MKKS: variants seen among roughly 807,000 people sequenced by gnomAD.
The protein encoded by MKKS is molecular chaperone MKKS.
A neutral mutation model predicts 33.2 loss-of-function variants in MKKS; 29 were observed. The observed-to-expected ratio is 0.87, with a 90% CI of 0.65 to 1.19. The LOEUF (loss-of-function observed/expected upper bound fraction) is 1.19. Ranked by LOEUF, MKKS falls within the 50% of genes most tolerant of loss-of-function variation. The pLI is 0.00. For synonymous variants in MKKS, 260 were observed against 244.0 expected (o/e 1.07, Z -0.61); for missense variants, 661 against 662.3 (o/e 1.00, Z 0.02).
chr20:10,411,033 C>CTGGA (rs556158763), intron 3 of MKKS, among the ~76,000 whole-genome samples: 1 of 150,968 alleles, frequency 6.6e-6, no homozygotes, highest in Non-Finnish European at 1.5e-5. Context: ...TGTCACCAGG[C>CTGGA]TGGAGTGCAG....
chr20:10,414,334 T>A (rs985657081), intron 2 of MKKS, among the ~76,000 whole-genome samples: 2 of 150,684 alleles, frequency 1.3e-5, no homozygotes, highest in African/African-American at 4.9e-5. Flanking sequence ...GGCGTGATCT[T>A]GGCTCACCAC....
In MKKS at chr20:10,408,676, G is replaced by A. The variant is rs2064859663; in HGVS notation, c.1113C>T (p.Cys371=). 6 of 1,613,908 alleles carry A rather than the reference G, an allele frequency of 3.7e-6. No homozygotes were observed. Among genetic ancestry groups the A allele is most frequent in the Non-Finnish European group, 4.2e-6 (5 of 1,179,994 alleles). Residue 371 remains cysteine, a synonymous_variant, in exon 4 of 6, where the codon TGC becomes TGT. Coordinates refer to ENST00000347364, the MANE Select transcript of MKKS (RefSeq NM_170784.3). ...FHLIPNEATI[C]SLLLCNRNDT... is the part of the protein sequence containing the mutation. ...CATTTCTGTTGCAGAGAAGCAAGCT[G>A]CAGATTGTTGCTTCATTAGGAATAA...
intron 2 of MKKS, among the ~76,000 whole-genome samples, chr20:10,417,829 C>G (rs117881399): frequency 1.3e-5 from 2 of 151,484 alleles, no homozygotes; most frequent in Admixed American, 6.6e-5. Flanking sequence ...GATATAATTA[C>G]GAGATTACAG....
At chr20:10,430,240 T>C (rs1171872367) in intron 1 of MKKS, among the ~76,000 whole-genome samples, 1 of 152,160 alleles carries the variant, frequency 6.6e-6, no homozygotes, top group African/African-American at 2.4e-5. Context: ...ATGTAGTGAT[T>C]AAGGGATGAG....
At chr20:10,420,911 CAAAA>C (rs2064976013) in intron 1 of MKKS, among the ~76,000 whole-genome samples, 153 bp from the exon 2 acceptor site, 1 of 152,108 alleles carries the variant, frequency 6.6e-6, no homozygotes, top group Non-Finnish European at 1.5e-5. Context: ...TGTTAATAAA[CAAAA>C]AGAGACATGT....
chr20:10,411,981 G>A (rs1222265384), intron 3 of MKKS, among the ~76,000 whole-genome samples: 1 of 152,178 alleles, frequency 6.6e-6, no homozygotes, highest in Non-Finnish European at 1.5e-5. Context: ...GGCCAGGCCT[G>A]TAATAGGTGC....
chr20:10,407,702 C>A lies in MKKS; in HGVS notation c.1186G>T (p.Val396Phe), dbSNP rs774461442. ...GGTTCCTTGAGTGTTAACTGCAGGA[C>A]ATGCAGTGCCGTCTGACACGTGAGC... Reference protein sequence around the residue: ...LKLTCQTALHVLQLTLKEPWA... With the variant: ...LKLTCQTALHFLQLTLKEPWA... Residue 396 changes from valine (V) to phenylalanine (F), a missense_variant, in exon 5 of 6, where the codon GTC (valine) becomes TTC (phenylalanine). Val to Phe is a conservative substitution (Grantham distance 50, BLOSUM62 -1). Coordinates refer to ENST00000347364, the MANE Select transcript of MKKS (RefSeq NM_170784.3). The A allele has an allele frequency of 1.2e-6, 2 of 1,613,918 alleles. No homozygotes were observed. Among genetic ancestry groups the A allele is most frequent in the Admixed American group, 1.7e-5 (1 of 60,014 alleles).
chr20:10,420,334 G>A (rs1352651149), intron 2 of MKKS, among the ~76,000 whole-genome samples, 194 bp downstream of exon 2: 1 of 152,166 alleles, frequency 6.6e-6, no homozygotes, highest in Non-Finnish European at 1.5e-5. Context: ...TTGACTGCCA[G>A]GCAAGTGTCA....
rs1482522720 is a variant in MKKS, at chr20:10,404,836, C to A, written c.*411G>T. 2 of 159,218 alleles carry A rather than the reference C, an allele frequency of 1.3e-5. No individual in the cohort carries two copies. Among genetic ancestry groups the A allele is most frequent in the African/African-American group, 4.8e-5 (2 of 41,468 alleles). 9.9% of individuals were successfully genotyped at this position (159,218 alleles called of 1,614,324 possible). On this transcript the variant is annotated 3_prime_UTR_variant, in exon 6 of 6. Transcript: ENST00000347364. The stretch of plus-strand genomic sequence containing the variant: ...GCAATATATACTGAATGTTTTGTGA[C>A]ACTTTGAGATCTAGTTTTATACTTT...
chr20:10,413,414 G>T lies in MKKS; in HGVS notation c.101C>A (p.Thr34Lys), dbSNP rs2064911503. 1.9e-6 allele frequency: 3 copies of T among 1,613,166 alleles called. No homozygotes were observed. The highest frequency in any genetic ancestry group is 2.5e-6 in the Non-Finnish European group (3 of 1,179,164). ...CCTACCTGAGGGGCCATAGCATGAT[G>T]TTACAATTCTTTTCAAGACAGAAAG... ...TTLSVLKRIV[T>K]SCYGPSGRLK... The change falls in exon 3 of 6, where the codon ACA becomes AAA. Residue 34 changes from threonine to lysine, a missense_variant. By Grantham distance (78) the Thr-to-Lys change is moderately conservative. Coordinates refer to ENST00000347364, the MANE Select transcript of MKKS (RefSeq NM_170784.3).
At chr20:10,408,556 A>G in intron 4 of MKKS, 72 bp downstream of exon 4, 2 of 1,535,902 alleles carry the variant, frequency 1.3e-6, no homozygotes, top group East Asian at 2.2e-5. Flanking sequence ...ACGAAAAAAA[A>G]ATCATAATAA....
intron 1 of MKKS, among the ~76,000 whole-genome samples, chr20:10,422,734 CAG>C (rs1245858765): frequency 3.4e-5 from 5 of 147,280 alleles, no homozygotes; most frequent in Admixed American, 6.8e-5. Context: ...TTTTGTGAGA[CAG>C]AGTCTTGCTC....
chr20:10,411,002 T>G (rs2064881092), intron 3 of MKKS, among the ~76,000 whole-genome samples: 2 of 151,852 alleles, frequency 1.3e-5, no homozygotes, highest in Non-Finnish European at 2.9e-5. Context: ...TGGTTTTTTT[T>G]TTTTTGATAG....
chr20:10,423,160 G>GT (rs1410527706), intron 1 of MKKS, among the ~76,000 whole-genome samples: 1 of 152,152 alleles, frequency 6.6e-6, no homozygotes, highest in Non-Finnish European at 1.5e-5. Context: ...ATTAGGGCCA[G>GT]GTGCAGTGGC....
chr20:10,429,494 GAACT>G (rs1258870008), intron 1 of MKKS, among the ~76,000 whole-genome samples: 5 of 152,094 alleles, frequency 3.3e-5, no homozygotes, highest in South Asian at 2.1e-4. Flanking sequence ...GTACACCTTT[GAACT>G]AACCGTCCCC....
chr20:10,431,527 AAAACCAAACCAAACCAAACCAAACC>A (rs60563851), intron 1 of MKKS, among the ~76,000 whole-genome samples: 25 of 150,844 alleles, frequency 1.7e-4, no homozygotes, highest in African/African-American at 5.4e-4. Flanking sequence ...ATAGGGTCAA[AAAACCAAACCAAACCAAACCAAACC>A]AAACCAAACC....
At chr20:10,431,834 G>A (rs1193686941) in intron 1 of MKKS, 1 of 152,178 alleles carries the variant, frequency 6.6e-6, no homozygotes, top group Admixed American at 6.5e-5. Flanking sequence ...GTCCACAGAG[G>A]ATGGCTTATT....
At position 10,405,394 on chromosome 20, in the gene MKKS, T is replaced by A; in HGVS notation, c.1566A>T (p.Pro522=). ...FLRSTRRPFV[P]QSCLPHEAVG... ...CAGCTTCATGTGGAAGGCAGCTTTG[T>A]GGCACAAATGGACGACGTGTGCTTC... The change falls in exon 6 of 6, where the codon CCA becomes CCT. Residue 522 remains proline (P), a synonymous_variant. Coordinates refer to ENST00000347364, the MANE Select transcript of MKKS (RefSeq NM_170784.3). The A allele has an allele frequency of 1.2e-6, 2 of 1,614,192 alleles. No homozygotes were observed. Among genetic ancestry groups the A allele is most frequent in the Non-Finnish European group, 1.7e-6 (2 of 1,180,034 alleles).
intron 2 of MKKS, among the ~76,000 whole-genome samples, chr20:10,414,414 C>T (rs921995787): frequency 7.2e-5 from 11 of 151,962 alleles, no homozygotes; most frequent in South Asian, 2.1e-4. Flanking sequence ...TACAGGCATG[C>T]GCCACCATGC....
Sources: allele counts gnomAD v4.1 joint callset (sites outside exome capture counted in the v4.1 genomes callset), GRCh38; gene constraint gnomAD v4.1.1; transcripts MANE v1.5; gene names NCBI Gene and HGNC (gene_info 2026-07-23, HGNC 2026-07-21).